GUCY1A2: variants seen among roughly 807,000 people sequenced by gnomAD.
GUCY1A2 encodes the protein guanylate cyclase soluble subunit alpha-2.
In GUCY1A2, 27 loss-of-function variants were observed where a neutral mutation model predicts 63.5. The observed-to-expected ratio is 0.43, with a 90% CI of 0.31 to 0.59. The LOEUF (loss-of-function observed/expected upper bound fraction) is 0.59. GUCY1A2 is among the 20% of genes least tolerant of loss of function. GUCY1A2 has a pLI of 0.11. For synonymous variants in GUCY1A2, 364 were observed against 343.5 expected (o/e 1.06, Z -0.66); for missense variants, 768 against 913.3 (o/e 0.84, Z 2.05).
At chr11:106,703,779 T>G (rs551744957) in intron 7 of GUCY1A2, among the ~76,000 whole-genome samples, 7 of 152,004 alleles carry the variant, frequency 4.6e-5, no homozygotes, top group African/African-American at 1.7e-4. Flanking sequence ...ACTTACTAAT[T>G]AGATTAATTA....
At chr11:106,969,867 T>A (rs1009472684) in intron 3 of GUCY1A2, among the ~76,000 whole-genome samples, 1 of 152,196 alleles carries the variant, frequency 6.6e-6, no homozygotes, top group Non-Finnish European at 1.5e-5. Context: ...TGTGACCCCA[T>A]GCAAGCAGCC....
intron 4 of GUCY1A2, among the ~76,000 whole-genome samples, chr11:106,840,321 T>A (rs770495096): frequency 1.3e-5 from 2 of 151,924 alleles, no homozygotes; most frequent in Non-Finnish European, 2.9e-5. Flanking sequence ...ATTGACAGGA[T>A]CCCCAGTAAT....
chr11:106,854,718 G>T (rs1016753335), intron 4 of GUCY1A2, among the ~76,000 whole-genome samples: 3 of 152,130 alleles, frequency 2.0e-5, no homozygotes, highest in Non-Finnish European at 4.4e-5. Flanking sequence ...TATCCGGAGG[G>T]TGTATGTGGG....
At chr11:106,980,357 C>T (rs1025065459) in intron 2 of GUCY1A2, among the ~76,000 whole-genome samples, 10 of 152,092 alleles carry the variant, frequency 6.6e-5, no homozygotes, top group Non-Finnish European at 1.2e-4. Context: ...AGTGTCAGGG[C>T]GGAACTCATA....
At chr11:106,827,375 C>A in intron 4 of GUCY1A2, 1 of 1,547,982 alleles carries the variant, frequency 6.5e-7, no homozygotes, top group South Asian at 1.1e-5. Flanking sequence ...TCTTTAATGG[C>A]CCAAATCACT....
intron 7 of GUCY1A2, among the ~76,000 whole-genome samples, chr11:106,695,114 C>T (rs1862694363): frequency 6.6e-6 from 1 of 152,136 alleles, no homozygotes; most frequent in South Asian, 2.1e-4. Context: ...TTCTTTTAGA[C>T]ATTAAGCCAA....
At chr11:106,950,419 G>T (rs1046729544) in intron 3 of GUCY1A2, among the ~76,000 whole-genome samples, 1 of 152,220 alleles carries the variant, frequency 6.6e-6, no homozygotes, top group Non-Finnish European at 1.5e-5. Flanking sequence ...GGAGCTGCAG[G>T]AGCACCTGCT....
chr11:107,001,609 G>A (rs894211777), intron 1 of GUCY1A2, among the ~76,000 whole-genome samples: 1 of 151,716 alleles, frequency 6.6e-6, no homozygotes, highest in Non-Finnish European at 1.5e-5. Context: ...TGTTTTTGCT[G>A]TTGTTGATTT....
chr11:106,887,407 T>C (rs1430549628), intron 4 of GUCY1A2, among the ~76,000 whole-genome samples: 2 of 152,170 alleles, frequency 1.3e-5, no homozygotes, highest in Admixed American at 1.3e-4. Context: ...TTATCTTCCT[T>C]TCTCCACTTA....
chr11:106,817,159 A>T (rs1453431119), intron 4 of GUCY1A2, among the ~76,000 whole-genome samples: 1 of 152,122 alleles, frequency 6.6e-6, no homozygotes, highest in East Asian at 1.9e-4. Flanking sequence ...GTCCTCTAAC[A>T]TTCATCTTCT....
In GUCY1A2 at chr11:106,685,126, G is replaced by A. The variant is rs1315222633; in HGVS notation, c.*2423C>T. The A allele has an allele frequency of 2.4e-5, 5 of 205,720 alleles. No individual in the cohort carries two copies. The highest frequency in any genetic ancestry group is 4.6e-5 in the African/African-American group (2 of 43,792). 12.7% of individuals were successfully genotyped at this position (205,720 alleles called of 1,614,324 possible). On this transcript the variant is annotated 3_prime_UTR_variant, in exon 8 of 8. Coordinates refer to ENST00000526355, the MANE Select transcript of GUCY1A2 (RefSeq NM_000855.3). ...ACTATAGCTGTGAAAATACACTTAG[G>A]TTATAATGTATGAAAAATGTAGTTG...
Position 106,793,492 on chromosome 11 carries a change from G to C in GUCY1A2, c.1692+16501C>G, listed in dbSNP as rs182877858. On this transcript the variant is annotated intron_variant, in intron 5 of 7. Coordinates refer to ENST00000526355, the MANE Select transcript of GUCY1A2 (RefSeq NM_000855.3). ...ACACAGTCAACAAAAGCAAAAATTA[G>C]CAAGTGGGATTACATCAGACTAAAA... Among the ~76,000 whole-genome samples, 807 of 152,054 alleles carry C rather than the reference G, an allele frequency of 5.3e-3. 5 individuals carry two copies. The highest frequency in any genetic ancestry group is 8.6e-3 in the Non-Finnish European group (584 of 67,940).
At position 106,697,804 on chromosome 11, in the gene GUCY1A2, A is replaced by G. The variant is rs960022684; in HGVS notation, c.1992-10048T>C. On this transcript the variant is annotated intron_variant, in intron 7 of 7. Coordinates refer to ENST00000526355, the MANE Select transcript of GUCY1A2 (RefSeq NM_000855.3). ...TAACCATACAATATATAGAATGGCT[A>G]TGTGTTTTTGCCCAGTCAGCCCTGT... 8.5e-5 allele frequency among the ~76,000 whole-genome samples: 13 copies of G among 152,240 alleles called. No individual in the cohort carries two copies. The East Asian group carries it at 2.5e-3, about 29-fold the overall frequency.
chr11:106,702,757 A>G (rs950925807), intron 7 of GUCY1A2, among the ~76,000 whole-genome samples: 3 of 151,558 alleles, frequency 2.0e-5, no homozygotes, highest in Admixed American at 6.6e-5. Flanking sequence ...TTGGGGCTAT[A>G]TTTCCAGGCA....
chr11:107,000,988 A>T (rs887580342), intron 1 of GUCY1A2, among the ~76,000 whole-genome samples: 1 of 152,226 alleles, frequency 6.6e-6, no homozygotes, highest in Admixed American at 6.5e-5. Flanking sequence ...GTTAAGGTCT[A>T]CATAAACCTA....
At chr11:106,841,502 C>A (rs952616312) in intron 4 of GUCY1A2, among the ~76,000 whole-genome samples, 1 of 151,806 alleles carries the variant, frequency 6.6e-6, no homozygotes, top group Non-Finnish European at 1.5e-5. Flanking sequence ...TAAATATTGG[C>A]TGAATGAACG....
intron 1 of GUCY1A2, among the ~76,000 whole-genome samples, chr11:107,009,942 C>T (rs889079995): frequency 6.6e-5 from 10 of 152,176 alleles, no homozygotes; most frequent in Non-Finnish European, 1.5e-4. Flanking sequence ...GGGCCCCTCC[C>T]TGGAACTATC....
intron 3 of GUCY1A2, among the ~76,000 whole-genome samples, chr11:106,953,015 C>T (rs766324034): frequency 6.6e-6 from 1 of 152,276 alleles, no homozygotes; most frequent in South Asian, 2.1e-4. Flanking sequence ...TTTGAATACC[C>T]TTTATTTCTT....
At chr11:106,877,585 T>G (rs1171779152) in intron 4 of GUCY1A2, among the ~76,000 whole-genome samples, 2 of 152,066 alleles carry the variant, frequency 1.3e-5, no homozygotes, top group Admixed American at 6.6e-5. Context: ...CACAGAAGAC[T>G]GAAACTGGAC....
Sources: allele counts gnomAD v4.1 joint callset (sites outside exome capture counted in the v4.1 genomes callset), GRCh38; gene constraint gnomAD v4.1.1; transcripts MANE v1.5; gene names NCBI Gene and HGNC (gene_info 2026-07-23, HGNC 2026-07-21).